Variants in BICDL2 observed in about 807,000 individuals in gnomAD.
The protein encoded by BICDL2 is BICD family-like cargo adapter 2.
BICDL2 carries 62 observed loss-of-function variants against 56.6 expected under a neutral mutation model. The observed-to-expected ratio is 1.10, with a 90% CI of 0.89 to 1.35. BICDL2 has a LOEUF of 1.35. Ranked by LOEUF, BICDL2 falls within the 40% of genes most tolerant of loss-of-function variation. The pLI is 0.00. For synonymous variants in BICDL2, 358 were observed against 319.8 expected (o/e 1.12, Z -1.27); for missense variants, 808 against 684.5 (o/e 1.18, Z -2.01).
At chr16:3,036,288 G>A (rs975067526) in intron 1 of BICDL2, 1 of 452,160 alleles carries the variant, frequency 2.2e-6, no homozygotes, top group Non-Finnish European at 4.4e-6. Flanking sequence ...TGTGCCGGCC[G>A]CCCGGCCGCA....
intron 1 of BICDL2, chr16:3,035,815 G>A: frequency 2.4e-6 from 1 of 417,726 alleles, no homozygotes. Flanking sequence ...GGCCACCTCT[G>A]CTCCCTGTCC....
chr16:3,030,651 G>A (rs370716590), intron 4 of BICDL2, 45 bp downstream of exon 4: 18 of 1,594,110 alleles, frequency 1.1e-5, no homozygotes, highest in South Asian at 3.4e-5. Flanking sequence ...CCCTCAGCCC[G>A]GCTTTTTTGG....
At chr16:3,036,492 C>T (rs1955734917) in intron 1 of BICDL2, 1 of 456,428 alleles carries the variant, frequency 2.2e-6, no homozygotes, top group South Asian at 1.5e-5. Flanking sequence ...CTCCTCCTCT[C>T]GCCCGGTGTC....
At chr16:3,028,558 A>G in intron 8 of BICDL2, 90 bp from the exon 9 acceptor site, 1 of 1,532,862 alleles carries the variant, frequency 6.5e-7, no homozygotes, top group Non-Finnish European at 8.7e-7. Context: ...GGGCGGGAGG[A>G]GGGCTGCAAA....
chr16:3,035,073 T>G (rs1337780869), intron 2 of BICDL2, 142 bp downstream of exon 2: 1 of 817,424 alleles, frequency 1.2e-6, no homozygotes, highest in Non-Finnish European at 1.9e-6. Context: ...AGCTCTGACC[T>G]GTTCCAAAGT....
At chr16:3,031,810 G>C (rs1424578943) in intron 2 of BICDL2, 1 of 342,684 alleles carries the variant, frequency 2.9e-6, no homozygotes. Flanking sequence ...TATCTGCATT[G>C]CTTCATTTCA....
At chr16:3,034,315 G>C (rs930999187) in intron 2 of BICDL2, among the ~76,000 whole-genome samples, 1 of 152,196 alleles carries the variant, frequency 6.6e-6, no homozygotes, top group Non-Finnish European at 1.5e-5. Context: ...GTCTCGCTCT[G>C]TCACCCAGGC....
At chr16:3,035,119 C>T in intron 2 of BICDL2, 96 bp downstream of exon 2, 1 of 1,239,448 alleles carries the variant, frequency 8.1e-7, no homozygotes, top group Non-Finnish European at 1.1e-6. Context: ...CAGCTCCTCT[C>T]TCCTTCCCTT....
At chr16:3,030,884 C>A in intron 3 of BICDL2, 51 bp downstream of exon 3, 1 of 1,544,506 alleles carries the variant, frequency 6.5e-7, no homozygotes. Context: ...GCTGGGGACC[C>A]AGGCATCCTC....
At chr16:3,035,677 C>T in intron 1 of BICDL2, 151 bp from the exon 2 acceptor site, 1 of 666,684 alleles carries the variant, frequency 1.5e-6, no homozygotes, top group African/African-American at 1.8e-5. Context: ...GTTTTGGCTA[C>T]CCAGTTCCGT....
At chr16:3,035,081 A>G in intron 2 of BICDL2, 134 bp downstream of exon 2, 2 of 902,048 alleles carry the variant, frequency 2.2e-6, no homozygotes, top group Non-Finnish European at 3.3e-6. Context: ...CCTGTTCCAA[A>G]GTGCCCCCCT....
rs191657142 is a variant in BICDL2 at position 3,030,391 on chromosome 16, G to A, written c.762+58C>T. Reference sequence around the variant, plus strand: ...CAGCTCCGGCCTCATCTCCCAGAAAGCCCTGAAGCCATTGCTAAGGGTCCA... The same window carrying A: ...CAGCTCCGGCCTCATCTCCCAGAAAACCCTGAAGCCATTGCTAAGGGTCCA... On this transcript the variant is annotated intron_variant, in intron 5 of 9. Coordinates refer to ENST00000572449, the MANE Select transcript of BICDL2 (RefSeq NM_001369667.1). 1.3e-5 allele frequency: 20 copies of A among 1,568,218 alleles called. No homozygotes were observed. In the East Asian group the frequency reaches 2.3e-4, roughly 18 times the overall value.
Position 3,031,003 on chromosome 16 carries a change from G to T in BICDL2, c.430C>A (p.Arg144=). ...TCGCTGAGGGCCCGTGCCCGTTCTC[G>T]CCCACTGTCCTGCTGCTCTGAGCGC... The part of the protein sequence containing the change: ...EQRSEQQDSG[R]ERARALSELS... The change falls in exon 3 of 10, where the codon CGA becomes AGA. Residue 144 remains arginine (R), a synonymous_variant. Transcript: ENST00000572449. The T allele has an allele frequency of 1.3e-6, 2 of 1,553,498 alleles. No individual in the cohort carries two copies. The highest frequency in any genetic ancestry group is 1.2e-5 in the South Asian group (1 of 85,102).
Position 3,031,064 on chromosome 16 carries a change from C to T in BICDL2, c.369G>A (p.Gly123=). Residue 123 remains glycine (G), a synonymous_variant, in exon 3 of 10, where the codon GGG becomes GGA. Transcript: ENST00000572449. ...GCTGGGCCCGCAGGGCCTCCACGTC[C>T]CCCTCCAGCTCCACGGCCCGGGCCT... ...EWEARAVELE[G]DVEALRAQLG... The T allele has an allele frequency of 2.0e-6, 3 of 1,537,984 alleles. No individual in the cohort carries two copies. The highest frequency in any genetic ancestry group is 2.7e-5 in the African/African-American group (2 of 73,188).
intron 2 of BICDL2, chr16:3,031,727 G>A (rs1386555455): frequency 1.8e-5 from 7 of 393,676 alleles, no homozygotes; most frequent in East Asian, 1.4e-4. Context: ...CCCTCAAAGC[G>A]GGATGGGCCT....
chr16:3,035,177 G>GCCCCCCCCCCCCCCCCCCCCCCCCCCCCC lies in BICDL2; in HGVS notation c.282+37_282+38insGGGGGGGGGGGGGGGGGGGGGGGGGGGGG. The GCCCCCCCCCCCCCCCCCCCCCCCCCCCCC allele has an allele frequency of 1.0e-4, 12 of 118,826 alleles. 4 individuals carry two copies. Among genetic ancestry groups the GCCCCCCCCCCCCCCCCCCCCCCCCCCCCC allele is most frequent in the South Asian group, 5.6e-4 (4 of 7,184 alleles). 7.4% of individuals were successfully genotyped at this position (118,826 alleles called of 1,614,324 possible). A position where few individuals can be genotyped will look rare whatever the true frequency, so the allele number is the denominator to read the frequency against. On this transcript the variant is annotated intron_variant, in intron 2 of 9. Transcript: ENST00000572449. ...TCTCCAGGCCCACCCGTCCTCCCCTGCCCACCCACCCACCCACCCCGTCCA... is the reference window on the plus strand; with the variant it reads ...TCTCCAGGCCCACCCGTCCTCCCCTGCCCCCCCCCCCCCCCCCCCCCCCCCCCCCCCCACCCACCCACCCACCCCGTCCA...
intron 2 of BICDL2, 39 bp downstream of exon 2, chr16:3,035,176 T>TTGGCCGGGGG: frequency 1.5e-5 from 2 of 136,274 alleles, no homozygotes; most frequent in Non-Finnish European, 2.7e-5. Context: ...CGTCCTCCCC[T>TTGGCCGGGGG]GCCCACCCAC....
At chr16:3,036,787 G>A (rs1323069508) in intron 1 of BICDL2, 107 bp downstream of exon 1, 2 of 350,862 alleles carry the variant, frequency 5.7e-6, no homozygotes, top group Non-Finnish European at 1.1e-5. Flanking sequence ...GGCGATCCCG[G>A]TTCCCCTGCC....
Position 3,027,835 on chromosome 16 carries a change from C to A in BICDL2, c.*271G>T. Reference sequence around the variant, plus strand: ...TGTCCGATCTTGATACATAAATACCCAGCCCCATCCCTGCCCTAGAAAAGA... The same window carrying A: ...TGTCCGATCTTGATACATAAATACCAAGCCCCATCCCTGCCCTAGAAAAGA... On this transcript the variant is annotated 3_prime_UTR_variant, in exon 10 of 10. Transcript: ENST00000572449. 1 of 835,340 alleles carries A rather than the reference C, an allele frequency of 1.2e-6. No individual in the cohort carries two copies. Among genetic ancestry groups the A allele is most frequent in the Non-Finnish European group, 1.8e-6 (1 of 562,060 alleles). 51.7% of individuals were successfully genotyped at this position (835,340 alleles called of 1,614,324 possible).
Sources: gnomAD v4.1 joint callset for allele counts (sites outside exome capture counted in the v4.1 genomes callset) on GRCh38, gnomAD v4.1.1 for gene constraint, MANE v1.5 for transcripts, NCBI Gene and HGNC (gene_info 2026-07-23, HGNC 2026-07-21) for gene names.